Variants in ATL2 observed in about 807,000 individuals in gnomAD.
The protein encoded by ATL2 is atlastin-2.
ATL2 carries 31 observed loss-of-function variants against 73.9 expected under a neutral mutation model. That is an observed-to-expected ratio of 0.42 (90% confidence interval 0.32 to 0.57). The LOEUF is 0.57. Ranked by LOEUF, ATL2 falls within the 20% of genes least tolerant of loss-of-function variation. ATL2 has a pLI of 0.14. For missense variants in ATL2, 738 were observed against 702.6 expected (o/e 1.05, Z -0.57); for synonymous variants, 291 against 237.5 (o/e 1.23, Z -2.07).
chr2:38,331,692 T>C (rs1395256753), intron 2 of ATL2, among the ~76,000 whole-genome samples: 7 of 151,500 alleles, frequency 4.6e-5, no homozygotes, highest in Non-Finnish European at 8.8e-5. Flanking sequence ...TTCATATATC[T>C]ATAATCAACT....
intron 2 of ATL2, among the ~76,000 whole-genome samples, chr2:38,326,556 C>CA (rs1161598636): frequency 2.0e-5 from 3 of 151,944 alleles, no homozygotes; most frequent in Admixed American, 6.6e-5. Context: ...GGATAAATAC[C>CA]AAAAAAATCC....
intron 1 of ATL2, 48 bp downstream of exon 1, chr2:38,377,093 AGC>A: frequency 1.3e-6 from 2 of 1,552,258 alleles, no homozygotes; most frequent in Middle Eastern, 2.3e-4. Context: ...CCGAGCAGCG[AGC>A]GTCTCTCCCC....
In ATL2 at chr2:38,335,202, T is replaced by C. The variant is rs139668678; in HGVS notation, c.363+8066A>G. 1.0e-3 allele frequency among the ~76,000 whole-genome samples: 154 copies of C among 151,770 alleles called. 2 individuals carry two copies. Among genetic ancestry groups the C allele is most frequent in the African/African-American group, 3.5e-3 (146 of 41,448 alleles). On this transcript the variant is annotated intron_variant, in intron 2 of 12. Transcript: ENST00000378954. ...AAATTTTGGCAATCCCTACTAAAAG[T>C]AAACGGGTATTTCCCCCTGTGACCC... is the stretch of plus-strand genomic sequence containing the variant.
At chr2:38,371,574 G>A (rs576126658) in intron 1 of ATL2, among the ~76,000 whole-genome samples, 24 of 151,352 alleles carry the variant, frequency 1.6e-4, no homozygotes, top group African/African-American at 5.1e-4. Flanking sequence ...TAACCACTGG[G>A]AAGGAAAAAA....
Position 38,300,336 on chromosome 2 carries a change from G to C in ATL2, c.1072-8C>G. The C allele has an allele frequency of 6.2e-7, 1 of 1,603,186 alleles. No homozygotes were observed. Among genetic ancestry groups the C allele is most frequent in the Non-Finnish European group, 8.5e-7 (1 of 1,170,616 alleles). On this transcript the variant is annotated splice_polypyrimidine_tract_variant and splice_region_variant and intron_variant, in intron 9 of 12. Transcript: ENST00000378954. ...ATAGATTTTGATGTAAGCCTAAAAA[G>C]GGAGAAGATTTGTTAGACTGACGGA...
intron 2 of ATL2, among the ~76,000 whole-genome samples, chr2:38,327,540 C>CAAAAAAAAAAAAAAAAAACA (rs56332855): frequency 1.1e-5 from 1 of 89,960 alleles, no homozygotes; most frequent in Non-Finnish European, 2.4e-5. Flanking sequence ...AAAAAAAGTA[C>CAAAAAAAAAAAAAAAAAACA]AAAAAAAAAA....
intron 1 of ATL2, among the ~76,000 whole-genome samples, chr2:38,346,868 T>C (rs1558436415): frequency 6.6e-6 from 1 of 152,200 alleles, no homozygotes. Flanking sequence ...CAGATCCTCA[T>C]GCTGCTAAGC....
chr2:38,362,308 A>C (rs1337279973), intron 1 of ATL2, among the ~76,000 whole-genome samples: 1 of 152,216 alleles, frequency 6.6e-6, no homozygotes, highest in African/African-American at 2.4e-5. Context: ...CTTCCTTACC[A>C]GACATATCAC....
At chr2:38,348,929 T>C (rs1368510901) in intron 1 of ATL2, among the ~76,000 whole-genome samples, 1 of 152,138 alleles carries the variant, frequency 6.6e-6, no homozygotes, top group African/African-American at 2.4e-5. Context: ...AAAATGCTCA[T>C]CATCACTGGC....
chr2:38,300,037 G>C (rs757213747), intron 10 of ATL2, among the ~76,000 whole-genome samples: 3 of 152,148 alleles, frequency 2.0e-5, no homozygotes, highest in Non-Finnish European at 4.4e-5. Flanking sequence ...CTGAAGAGAA[G>C]GTACTGAGGA....
chr2:38,330,263 T>A (rs1668909727), intron 2 of ATL2, among the ~76,000 whole-genome samples: 1 of 146,144 alleles, frequency 6.8e-6, no homozygotes. Context: ...AAGAAAAACT[T>A]CAATTAAAAA....
chr2:38,367,531 G>A (rs183814344), intron 1 of ATL2, among the ~76,000 whole-genome samples: 4 of 122,516 alleles, frequency 3.3e-5, no homozygotes, highest in Non-Finnish European at 6.5e-5. Flanking sequence ...CCATGAACCC[G>A]GAAGGCGGAG....
intron 1 of ATL2, among the ~76,000 whole-genome samples, chr2:38,364,058 T>A (rs899352737): frequency 2.6e-5 from 4 of 152,110 alleles, no homozygotes; most frequent in African/African-American, 9.7e-5. Flanking sequence ...GGTCAGGAGT[T>A]GGAGACCAGC....
At chr2:38,360,078 T>G (rs1257466884) in intron 1 of ATL2, among the ~76,000 whole-genome samples, 4 of 142,428 alleles carry the variant, frequency 2.8e-5, no homozygotes, top group Non-Finnish European at 4.5e-5. Flanking sequence ...TGCAGTGAGA[T>G]GAGATCGTCG....
intron 1 of ATL2, among the ~76,000 whole-genome samples, chr2:38,368,117 G>A (rs547003603): frequency 6.0e-5 from 9 of 150,946 alleles, no homozygotes; most frequent in Non-Finnish European, 1.2e-4. Context: ...TGTATTTTTA[G>A]TAGAGATGGG....
intron 1 of ATL2, among the ~76,000 whole-genome samples, chr2:38,348,442 G>A (rs1199839404): frequency 6.6e-6 from 1 of 151,206 alleles, no homozygotes; most frequent in Non-Finnish European, 1.5e-5. Flanking sequence ...CTCCAGCCTG[G>A]GCAACAAGAG....
chr2:38,300,802 C>A (rs1431751233), intron 9 of ATL2, among the ~76,000 whole-genome samples: 1 of 151,532 alleles, frequency 6.6e-6, no homozygotes, highest in Non-Finnish European at 1.5e-5. Context: ...AAGGTGTGTG[C>A]CACCACATCC....
chr2:38,335,629 A>G (rs1669313392), intron 2 of ATL2, among the ~76,000 whole-genome samples: 1 of 152,236 alleles, frequency 6.6e-6, no homozygotes, highest in East Asian at 1.9e-4. Flanking sequence ...GCCTCCTAGA[A>G]TGCAGGAAAT....
chr2:38,366,503 T>C (rs1189946341), intron 1 of ATL2, among the ~76,000 whole-genome samples: 3 of 152,202 alleles, frequency 2.0e-5, no homozygotes, highest in Non-Finnish European at 4.4e-5. Context: ...CATAAAAAGT[T>C]ACCAAAATAC....
Sources: gnomAD v4.1 joint callset for allele counts (sites outside exome capture counted in the v4.1 genomes callset) on GRCh38, gnomAD v4.1.1 for gene constraint, MANE v1.5 for transcripts, NCBI Gene and HGNC (gene_info 2026-07-23, HGNC 2026-07-21) for gene names.